Variants in UGGT2 observed in about 807,000 individuals in gnomAD.
UGGT2 encodes UDP-glucose glycoprotein glucosyltransferase 2.
Under a neutral mutation model 192.1 loss-of-function variants are expected in UGGT2, and 180 were observed. That is an observed-to-expected ratio of 0.94 (90% CI 0.83 to 1.06). The LOEUF (loss-of-function observed/expected upper bound fraction) is 1.06, where lower values mean the gene tolerates loss of function less well. Among genes scored for constraint, UGGT2 ranks in the 50% least tolerant of loss-of-function variants. The pLI is 0.00. For missense variants in UGGT2, 1,849 were observed against 1,795.7 expected, an observed-to-expected ratio of 1.03 and a Z score of -0.54; for synonymous variants, 580 against 591.0, an observed-to-expected ratio of 0.98 and a Z score of 0.27.
chr13:96,011,270 T>C (rs540977818), intron 5 of UGGT2, among the ~76,000 whole-genome samples: 1 of 152,200 alleles, frequency 6.6e-6, no homozygotes, highest in African/African-American at 2.4e-5. Flanking sequence ...ACTCTTCCTC[T>C]GCAAAACACA....
chr13:96,048,130 T>C (rs947788807), intron 1 of UGGT2, among the ~76,000 whole-genome samples: 1 of 152,110 alleles, frequency 6.6e-6, no homozygotes, highest in African/African-American at 2.4e-5. Flanking sequence ...AATTATAACA[T>C]ACTGTCTCTC....
intron 38 of UGGT2, among the ~76,000 whole-genome samples, chr13:95,822,692 T>A (rs1885634913): frequency 6.6e-6 from 1 of 152,044 alleles, no homozygotes; most frequent in South Asian, 2.1e-4. Context: ...TTATTTGGAT[T>A]TTCTCTCTTT....
At chr13:95,894,777 A>T (rs2047900017) in intron 23 of UGGT2, 120 bp from the exon 24 acceptor site, 1 of 765,098 alleles carries the variant, frequency 1.3e-6, no homozygotes, top group Admixed American at 2.6e-5. Flanking sequence ...ACCAAAGTAG[A>T]CTGCAAAGGG....
intron 38 of UGGT2, among the ~76,000 whole-genome samples, chr13:95,816,708 G>T (rs546863468): frequency 9.2e-5 from 14 of 152,344 alleles, no homozygotes; most frequent in South Asian, 4.1e-4. Context: ...CTTAGTGATT[G>T]TAAGAGTTGG....
At chr13:96,036,470 T>C (rs951991793) in intron 1 of UGGT2, among the ~76,000 whole-genome samples, 62 of 152,200 alleles carry the variant, frequency 4.1e-4, no homozygotes, top group African/African-American at 1.3e-3. Flanking sequence ...ACCTAGGTGA[T>C]AGTTTGATCT....
chr13:95,876,580 G>C (rs1891702203), intron 29 of UGGT2, among the ~76,000 whole-genome samples: 1 of 152,170 alleles, frequency 6.6e-6, no homozygotes, highest in Admixed American at 6.5e-5. Context: ...CCAAGGCAAA[G>C]TCTGCTGCTC....
At chr13:95,962,270 G>C (rs1451261564) in intron 12 of UGGT2, among the ~76,000 whole-genome samples, 1 of 151,778 alleles carries the variant, frequency 6.6e-6, no homozygotes, top group Non-Finnish European at 1.5e-5. Context: ...AAATACAAAG[G>C]ATCAACAAAA....
chr13:95,819,826 CAGGAGAAAAAT>C (rs1158977278), intron 38 of UGGT2, among the ~76,000 whole-genome samples: 2 of 152,052 alleles, frequency 1.3e-5, no homozygotes, highest in Non-Finnish European at 2.9e-5. Flanking sequence ...TGTAGAAAAA[CAGGAGAAAAAT>C]AAGAGAAAGC....
chr13:95,840,084 T>A (rs1464506336), intron 36 of UGGT2, among the ~76,000 whole-genome samples: 1 of 152,040 alleles, frequency 6.6e-6, no homozygotes. Flanking sequence ...TGTAAAACCA[T>A]AAAAACCCTA....
intron 20 of UGGT2, among the ~76,000 whole-genome samples, chr13:95,907,010 G>A (rs866483499): frequency 1.3e-5 from 2 of 152,208 alleles, no homozygotes; most frequent in South Asian, 4.1e-4. Flanking sequence ...TCCTAGCCAA[G>A]GGAAGGTGTG....
chr13:95,871,884 T>C (rs1397562125), intron 29 of UGGT2, among the ~76,000 whole-genome samples: 1 of 152,200 alleles, frequency 6.6e-6, no homozygotes, highest in East Asian at 1.9e-4. Flanking sequence ...TTTTAACTAC[T>C]GCAGAGCCAG....
At chr13:95,950,946 A>G (rs2050041806) in intron 12 of UGGT2, among the ~76,000 whole-genome samples, 1 of 152,178 alleles carries the variant, frequency 6.6e-6, no homozygotes, top group Admixed American at 6.5e-5. Context: ...AAAAAGATCT[A>G]GCATATAGGT....
intron 38 of UGGT2, chr13:95,832,680 G>A: frequency 1.7e-6 from 1 of 577,252 alleles, no homozygotes; most frequent in Non-Finnish European, 3.3e-6. Flanking sequence ...TGTGTCAGGA[G>A]ACTAATGTTA....
Position 95,944,623 on chromosome 13 carries a change from T to C in UGGT2, c.1677+2414A>G, listed in dbSNP as rs74680671. On this transcript the variant is annotated intron_variant, in intron 15 of 38. Transcript: ENST00000376747. ...AACTTTTATATTCTTGATCCCATAA[T>C]TGTATTATTTCCTAGTTCATTAATG... Among the ~76,000 whole-genome samples the C allele has an allele frequency of 1.5e-4, 23 of 152,176 alleles. 1 individual carries two copies. In the East Asian group the frequency reaches 3.7e-3, roughly 24 times the overall value.
intron 10 of UGGT2, among the ~76,000 whole-genome samples, chr13:95,982,197 AG>A (rs1555369313): frequency 2.0e-5 from 3 of 152,204 alleles, no homozygotes; most frequent in Non-Finnish European, 4.4e-5. Flanking sequence ...GAAATTATTT[AG>A]GCAGATAGTG....
chr13:96,009,834 AG>A (rs34916249), intron 5 of UGGT2, among the ~76,000 whole-genome samples: 58,987 of 152,010 alleles, frequency 0.39, 11,673 homozygotes, highest in Middle Eastern at 0.44. Context: ...AAGTGAGCAA[AG>A]GACATGAACA....
chr13:95,812,332 C>A (rs1190401752), intron 38 of UGGT2, among the ~76,000 whole-genome samples: 2 of 152,070 alleles, frequency 1.3e-5, no homozygotes, highest in Non-Finnish European at 2.9e-5. Context: ...CACAGAACAC[C>A]CTTGTATAAA....
At chr13:95,829,910 T>C (rs1271198850) in intron 38 of UGGT2, among the ~76,000 whole-genome samples, 2 of 152,172 alleles carry the variant, frequency 1.3e-5, no homozygotes, top group African/African-American at 4.8e-5. Flanking sequence ...CAAAACAGCA[T>C]GGTACTGGTA....
At chr13:95,906,951 C>T (rs1201020803) in intron 20 of UGGT2, among the ~76,000 whole-genome samples, 1 of 152,146 alleles carries the variant, frequency 6.6e-6, no homozygotes, top group African/African-American at 2.4e-5. Flanking sequence ...GCAGCCCAGG[C>T]AGGGCATCGC....
Sources: allele counts gnomAD v4.1 joint callset (sites outside exome capture counted in the v4.1 genomes callset), GRCh38; gene constraint gnomAD v4.1.1; transcripts MANE v1.5; gene names NCBI Gene and HGNC (gene_info 2026-07-23, HGNC 2026-07-21).